Variants in KCND3 observed in about 807,000 individuals in gnomAD.
KCND3 encodes potassium voltage-gated channel subfamily D member 3, also known as A-type voltage-gated potassium channel KCND3.
A neutral mutation model predicts 51.1 loss-of-function variants in KCND3; 9 were observed. That is an observed-to-expected ratio of 0.18 (90% CI 0.11 to 0.31). KCND3 has a LOEUF of 0.31. Ranked by LOEUF, KCND3 falls within the 10% of genes least tolerant of loss-of-function variation. The pLI is 1.00. For synonymous variants in KCND3, 349 were observed against 368.0 expected, an observed-to-expected ratio of 0.95 and a Z score of 0.59; for missense variants, 526 against 903.8, an observed-to-expected ratio of 0.58 and a Z score of 5.36.
chr1:111,924,905 T>C (rs1671633402), intron 2 of KCND3, among the ~76,000 whole-genome samples: 1 of 152,264 alleles, frequency 6.6e-6, no homozygotes, highest in Admixed American at 6.5e-5. Context: ...GTATCCACTC[T>C]GTAAGTGAAC....
intron 2 of KCND3, among the ~76,000 whole-genome samples, chr1:111,952,529 G>A (rs1189846591): frequency 6.6e-6 from 1 of 152,180 alleles, no homozygotes; most frequent in Non-Finnish European, 1.5e-5. Flanking sequence ...AGCTCAATAC[G>A]GGTAAGAAGT....
rs556289295 is a variant in KCND3 at position 111,874,276 on chromosome 1, A to G, written c.1107-87170T>C. Among the ~76,000 whole-genome samples, 6 of 152,350 alleles carry G rather than the reference A, an allele frequency of 3.9e-5. No individual in the cohort carries two copies. In the South Asian group the frequency reaches 1.2e-3, roughly 32 times the overall value. ...ATCACCCCACTGCTCCCCCTCTTGC[A>G]TGGACCGCTGAGGAGTTGCAACCCA... On this transcript the variant is annotated intron_variant, in intron 2 of 7. Coordinates refer to ENST00000302127, the MANE Select transcript of KCND3 (RefSeq NM_001378969.1).
At position 111,977,742 on chromosome 1, in the gene KCND3, C is replaced by T. The variant is rs2101982168; in HGVS notation, c.1106+3879G>A. Among the ~76,000 whole-genome samples, 2 of 152,346 alleles carry T rather than the reference C, an allele frequency of 1.3e-5. 1 individual carries two copies. The highest frequency in any genetic ancestry group is 6.8e-3 in the Middle Eastern group (2 of 294). Reference sequence around the variant, plus strand: ...GTCCCTCCTGAGCTTCCCCCATGGACTGTCCGGGACAATCATGATGCCAAA... The same window carrying T: ...GTCCCTCCTGAGCTTCCCCCATGGATTGTCCGGGACAATCATGATGCCAAA... On this transcript the variant is annotated intron_variant, in intron 2 of 7. Coordinates refer to ENST00000302127, the MANE Select transcript of KCND3 (RefSeq NM_001378969.1).
In KCND3 at chr1:111,933,181, G is replaced by A. The variant is rs1044702899; in HGVS notation, c.1106+48440C>T. On this transcript the variant is annotated intron_variant, in intron 2 of 7. Transcript: ENST00000302127. ...CTTTCCTGCCACCCTGTCAAGAGGT[G>A]CCTTCTGCCATGACTGTAAGTTTCC... Among the ~76,000 whole-genome samples, 10 of 152,136 alleles carry A rather than the reference G, an allele frequency of 6.6e-5. 1 individual carries two copies. Among genetic ancestry groups the A allele is most frequent in the Non-Finnish European group, 1.2e-4 (8 of 68,030 alleles).
intron 2 of KCND3, among the ~76,000 whole-genome samples, chr1:111,820,407 T>G (rs1571691255): frequency 6.6e-6 from 1 of 152,254 alleles, no homozygotes; most frequent in East Asian, 1.9e-4. Flanking sequence ...CATCTTCTTG[T>G]GCCTTGTCAT....
intron 2 of KCND3, among the ~76,000 whole-genome samples, chr1:111,878,042 GA>G (rs1388909603): frequency 1.3e-5 from 2 of 152,208 alleles, no homozygotes; most frequent in African/African-American, 2.4e-5. Flanking sequence ...TTGTGGCACT[GA>G]AAGGTTAGGC....
intron 2 of KCND3, among the ~76,000 whole-genome samples, chr1:111,866,995 A>T (rs554348777): frequency 1.3e-5 from 2 of 152,240 alleles, no homozygotes; most frequent in African/African-American, 4.8e-5. Flanking sequence ...TAATAAAAAT[A>T]TTTTTTATTG....
intron 2 of KCND3, among the ~76,000 whole-genome samples, chr1:111,899,834 A>G (rs539589548): frequency 6.4e-4 from 97 of 152,282 alleles, no homozygotes; most frequent in African/African-American, 2.2e-3. Context: ...GAGCCCCAGC[A>G]ACTAAGAAGG....
intron 2 of KCND3, among the ~76,000 whole-genome samples, chr1:111,955,574 G>T (rs760019096): frequency 6.6e-6 from 1 of 152,148 alleles, no homozygotes; most frequent in African/African-American, 2.4e-5. Flanking sequence ...TTACATGTGC[G>T]TCTCCCTCGC....
chr1:111,895,385 A>C (rs1032982383), intron 2 of KCND3, among the ~76,000 whole-genome samples: 1 of 152,200 alleles, frequency 6.6e-6, no homozygotes. Context: ...AGTGCACACC[A>C]AATGGGGAGG....
rs1664326141 is a variant in KCND3 at position 111,780,439 on chromosome 1, T to A, written c.1372-125A>T. On this transcript the variant is annotated intron_variant, in intron 4 of 7. Coordinates refer to ENST00000302127, the MANE Select transcript of KCND3 (RefSeq NM_001378969.1). This position sits in a 1 kb window ranked among gnomAD's most constrained non-coding sequence, Gnocchi z 4.2. Reference sequence around the variant, plus strand: ...CAAATTTTTTTTTATTTGACCAAATTTCAGGGTCAGCATTGAATATGCTAA... The same window carrying A: ...CAAATTTTTTTTTATTTGACCAAATATCAGGGTCAGCATTGAATATGCTAA... The A allele has an allele frequency of 3.0e-6, 3 of 1,016,382 alleles. No homozygotes were observed. Among genetic ancestry groups the A allele is most frequent in the Non-Finnish European group, 4.5e-6 (3 of 663,412 alleles). 63.0% of individuals were successfully genotyped at this position (1,016,382 alleles called of 1,614,324 possible).
rs563425607 is a variant in KCND3 at position 111,952,987 on chromosome 1, T to C, written c.1106+28634A>G. 5.9e-4 allele frequency among the ~76,000 whole-genome samples: 90 copies of C among 152,324 alleles called. No individual in the cohort carries two copies. In the South Asian group the frequency reaches 0.017, roughly 29 times the overall value. On this transcript the variant is annotated intron_variant, in intron 2 of 7. Coordinates refer to ENST00000302127, the MANE Select transcript of KCND3 (RefSeq NM_001378969.1). Reference sequence around the variant, plus strand: ...ACTATATTCTGGGCATTATTCTAAATGCTTTATATGAACAATTTCACTAAA... The same window carrying C: ...ACTATATTCTGGGCATTATTCTAAACGCTTTATATGAACAATTTCACTAAA...
chr1:111,973,367 G>C (rs1674448609), intron 2 of KCND3, among the ~76,000 whole-genome samples: 1 of 152,230 alleles, frequency 6.6e-6, no homozygotes, highest in South Asian at 2.1e-4. Context: ...ACTGCAAAGG[G>C]TAGAGATTTC....
intron 2 of KCND3, among the ~76,000 whole-genome samples, chr1:111,919,371 A>G (rs1671371122): frequency 6.6e-6 from 1 of 151,946 alleles, no homozygotes; most frequent in African/African-American, 2.4e-5. Context: ...GGTTCAGGGA[A>G]GGCCTCTCCA....
intron 2 of KCND3, among the ~76,000 whole-genome samples, chr1:111,796,154 G>A (rs582344): frequency 0.021 from 3,232 of 152,126 alleles, 123 homozygotes; most frequent in African/African-American, 0.075. Context: ...TCACTCTGTC[G>A]GCAGTTTCTT....
intron 2 of KCND3, among the ~76,000 whole-genome samples, chr1:111,863,408 G>A (rs1668420690): frequency 6.6e-6 from 1 of 152,172 alleles, no homozygotes; most frequent in Non-Finnish European, 1.5e-5. Context: ...GGGTTGCAAA[G>A]GAAAGTTATG....
chr1:111,821,178 C>A (rs943856833), intron 2 of KCND3, among the ~76,000 whole-genome samples: 2 of 152,148 alleles, frequency 1.3e-5, no homozygotes, highest in East Asian at 1.9e-4. Context: ...TCAGTAAATG[C>A]CTGTGGAATG....
At chr1:111,859,800 T>C (rs1376711643) in intron 2 of KCND3, among the ~76,000 whole-genome samples, 2 of 152,214 alleles carry the variant, frequency 1.3e-5, no homozygotes, top group Non-Finnish European at 2.9e-5. Flanking sequence ...TGGCAACCAC[T>C]GTCCTAAGTT....
intron 2 of KCND3, among the ~76,000 whole-genome samples, chr1:111,808,654 C>T (rs781179476): frequency 2.6e-5 from 4 of 152,192 alleles, no homozygotes; most frequent in African/African-American, 7.2e-5. Flanking sequence ...CCCTCTCAGG[C>T]CTTGCTCTCC....
Sources: gnomAD v4.1 joint callset for allele counts (sites outside exome capture counted in the v4.1 genomes callset) on GRCh38, gnomAD v4.1.1 for gene constraint, Gnocchi (gnomAD v3.1) non-coding constraint, MANE v1.5 for transcripts, NCBI Gene and HGNC (gene_info 2026-07-23, HGNC 2026-07-21) for gene names.